Variants in DCHS2 observed in about 807,000 individuals in gnomAD.
DCHS2 encodes the protein protocadherin-23.
A neutral mutation model predicts 182.4 loss-of-function variants in DCHS2; 142 were observed. The ratio of observed to expected loss-of-function variants is 0.78; its 90% confidence interval spans 0.68 to 0.89. The LOEUF (loss-of-function observed/expected upper bound fraction) is 0.89, where lower values mean the gene tolerates loss of function less well. Among genes scored for constraint, DCHS2 ranks in the 40% least tolerant of loss-of-function variants. The probability of loss-of-function intolerance (pLI) is 0.00; values close to 1 mark genes in which losing one functional copy is unlikely to be tolerated. For missense variants in DCHS2, 4,319 were observed against 4,198.6 expected, an observed-to-expected ratio of 1.03 and a Z score of -0.79; for synonymous variants, 1,740 against 1,663.3, an observed-to-expected ratio of 1.05 and a Z score of -1.12.
intron 3 of DCHS2, 71 bp from the exon 4 acceptor site, chr4:154,335,175 T>C: frequency 1.0e-6 from 1 of 991,588 alleles, no homozygotes; most frequent in Non-Finnish European, 1.6e-6. Flanking sequence ...TAGTAACACC[T>C]GGTCTATTAA....
At chr4:154,272,817 A>G (rs4327464) in intron 13 of DCHS2, among the ~76,000 whole-genome samples, 72,964 of 151,990 alleles carry the variant, frequency 0.48, 18,914 homozygotes, top group Non-Finnish European at 0.58. Context: ...GTGGATATGT[A>G]GTATCTTACA....
intron 10 of DCHS2, among the ~76,000 whole-genome samples, chr4:154,314,269 C>G (rs1735770493): frequency 6.6e-6 from 1 of 152,098 alleles, no homozygotes; most frequent in South Asian, 2.1e-4. Flanking sequence ...TGCTCTGTTT[C>G]TACAGAGAAC....
intron 13 of DCHS2, among the ~76,000 whole-genome samples, chr4:154,279,624 T>C (rs545709397): frequency 6.6e-6 from 1 of 152,086 alleles, no homozygotes; most frequent in African/African-American, 2.4e-5. Flanking sequence ...CAACACATTC[T>C]TGAACTACTG....
chr4:154,244,086 A>C (rs1163130269), intron 16 of DCHS2, among the ~76,000 whole-genome samples: 1 of 152,216 alleles, frequency 6.6e-6, no homozygotes, highest in Admixed American at 6.5e-5. Flanking sequence ...TTTGATTTAA[A>C]TGCACCTTTA....
intron 9 of DCHS2, among the ~76,000 whole-genome samples, chr4:154,319,008 T>C (rs1269000105): frequency 6.6e-6 from 1 of 152,074 alleles, no homozygotes; most frequent in Non-Finnish European, 1.5e-5. Context: ...TTTAGGCCAA[T>C]GGAACAGAGT....
intron 13 of DCHS2, among the ~76,000 whole-genome samples, chr4:154,273,800 C>T (rs1269413661): frequency 6.7e-6 from 1 of 148,616 alleles, no homozygotes; most frequent in Non-Finnish European, 1.5e-5. Context: ...GTGCTTCTTA[C>T]TTAACTGTCA....
At chr4:154,411,597 AAAAAG>A (rs1732637319) in intron 1 of DCHS2, among the ~76,000 whole-genome samples, 1 of 152,160 alleles carries the variant, frequency 6.6e-6, no homozygotes, top group Non-Finnish European at 1.5e-5. Context: ...CTCTCAAAAA[AAAAAG>A]AAAAGAATAA....
chr4:154,264,379 G>A (rs900260928), intron 14 of DCHS2, among the ~76,000 whole-genome samples: 2 of 151,806 alleles, frequency 1.3e-5, no homozygotes, highest in African/African-American at 4.8e-5. Flanking sequence ...ATATGAGCAA[G>A]GAACAAGAGG....
At chr4:154,421,573 T>C (rs1733113158) in intron 1 of DCHS2, among the ~76,000 whole-genome samples, 1 of 152,088 alleles carries the variant, frequency 6.6e-6, no homozygotes, top group Non-Finnish European at 1.5e-5. Flanking sequence ...TTTTGTATTT[T>C]TAGTAGAGAC....
chr4:154,414,517 A>G (rs1329445122), intron 1 of DCHS2, among the ~76,000 whole-genome samples: 1 of 132,748 alleles, frequency 7.5e-6, no homozygotes, highest in Non-Finnish European at 1.6e-5. Flanking sequence ...TTTTTGGCCA[A>G]GGGACATATG....
rs17031634 is a variant in DCHS2 at position 154,431,369 on chromosome 4, C to T, written c.2053-53925G>A. On this transcript the variant is annotated intron_variant, in intron 1 of 19. Transcript: ENST00000357232. Reference sequence around the variant, plus strand: ...AAAACTTATATCATAAGCGGTAGTACTGGTTCAACATACCAGTATCATTCA... The same window carrying T: ...AAAACTTATATCATAAGCGGTAGTATTGGTTCAACATACCAGTATCATTCA... Among the ~76,000 whole-genome samples, 1,239 of 152,212 alleles carry T rather than the reference C, an allele frequency of 8.1e-3. 9 individuals carry two copies. The highest frequency in any genetic ancestry group is 0.014 in the Non-Finnish European group (945 of 68,016).
chr4:154,388,785 C>T (rs1416635714), intron 1 of DCHS2, among the ~76,000 whole-genome samples: 3 of 152,048 alleles, frequency 2.0e-5, no homozygotes, highest in Admixed American at 6.5e-5. Flanking sequence ...TAAGCCACTG[C>T]GCCCGGCCAA....
chr4:154,387,863 G>A (rs369815947), intron 1 of DCHS2, among the ~76,000 whole-genome samples: 10 of 151,774 alleles, frequency 6.6e-5, no homozygotes, highest in African/African-American at 2.4e-4. Flanking sequence ...ATAGCCAAAG[G>A]ACATGAACAG....
intron 1 of DCHS2, among the ~76,000 whole-genome samples, chr4:154,380,721 T>C (rs1731130290): frequency 6.6e-6 from 1 of 152,138 alleles, no homozygotes; most frequent in African/African-American, 2.4e-5. Flanking sequence ...TATTCTGAGT[T>C]TCAGAATCGT....
intron 1 of DCHS2, among the ~76,000 whole-genome samples, chr4:154,488,628 C>T (rs368476573): frequency 5.3e-5 from 8 of 152,000 alleles, no homozygotes; most frequent in South Asian, 2.1e-4. Context: ...CATTGCTGGG[C>T]GTGGTGGCTC....
intron 3 of DCHS2, among the ~76,000 whole-genome samples, chr4:154,347,407 T>A (rs1462676372): frequency 6.6e-6 from 1 of 151,562 alleles, no homozygotes; most frequent in African/African-American, 2.4e-5. Flanking sequence ...AATCCCTAGT[T>A]TGATCTTCAG....
At chr4:154,325,948 A>G (rs1446425282) in intron 7 of DCHS2, among the ~76,000 whole-genome samples, 4 of 152,228 alleles carry the variant, frequency 2.6e-5, no homozygotes, top group Non-Finnish European at 4.4e-5. Flanking sequence ...CTTTGGATTC[A>G]ATATTTATCC....
chr4:154,289,812 T>C (rs1258957472), intron 13 of DCHS2, among the ~76,000 whole-genome samples: 2 of 151,996 alleles, frequency 1.3e-5, no homozygotes, highest in African/African-American at 4.8e-5. Flanking sequence ...TGATACATCA[T>C]GTCAACAAAA....
intron 3 of DCHS2, among the ~76,000 whole-genome samples, chr4:154,364,559 G>T (rs948419246): frequency 1.3e-5 from 2 of 152,204 alleles, no homozygotes; most frequent in Admixed American, 1.3e-4. Flanking sequence ...GGCCACATCA[G>T]TGTATTATTT....
Sources: gnomAD v4.1 joint callset for allele counts (sites outside exome capture counted in the v4.1 genomes callset) on GRCh38, gnomAD v4.1.1 for gene constraint, MANE v1.5 for transcripts, NCBI Gene and HGNC (gene_info 2026-07-23, HGNC 2026-07-21) for gene names.